LEF1: variants seen among roughly 807,000 people sequenced by gnomAD.
The protein encoded by LEF1 is lymphoid enhancer binding factor 1, also known as lymphoid enhancer-binding factor 1.
In LEF1, 14 loss-of-function variants were observed where a neutral mutation model predicts 51.2. The observed-to-expected ratio is 0.27, with a 90% CI of 0.18 to 0.43. The LOEUF (loss-of-function observed/expected upper bound fraction) is 0.43, where lower values mean the gene tolerates loss of function less well. Among genes scored for constraint, LEF1 ranks in the 20% least tolerant of loss-of-function variants. The probability of loss-of-function intolerance (pLI) is 1.00; values close to 1 mark genes in which losing one functional copy is unlikely to be tolerated. For missense variants in LEF1, 386 were observed against 512.0 expected (o/e 0.75, Z 2.37); for synonymous variants, 185 against 183.2 (o/e 1.01, Z -0.08).
chr4:108,144,865 C>CAAACAA (rs1743898315), intron 3 of LEF1, among the ~76,000 whole-genome samples: 1 of 41,928 alleles, frequency 2.4e-5, no homozygotes, highest in African/African-American at 9.9e-5. Flanking sequence ...CCCAACCAGC[C>CAAACAA]AAAAAAAAAA....
chr4:108,081,744 G>A, intron 5 of LEF1, 75 bp from the exon 6 acceptor site: 1 of 961,726 alleles, frequency 1.0e-6, no homozygotes, highest in Non-Finnish European at 1.7e-6. Context: ...TTGGATGAGG[G>A]GAGAAGAGGG....
chr4:108,165,074 A>T, intron 2 of LEF1, 23 bp downstream of exon 2: 1 of 1,610,356 alleles, frequency 6.2e-7, no homozygotes, highest in Non-Finnish European at 8.5e-7. Context: ...CTAAAGTCAG[A>T]AGAAGTAGAA....
intron 11 of LEF1, among the ~76,000 whole-genome samples, chr4:108,060,787 G>A (rs1325034059): frequency 6.6e-6 from 1 of 151,752 alleles, no homozygotes; most frequent in Non-Finnish European, 1.5e-5. Context: ...AACATAACAA[G>A]CACTGTGAGA....
intron 11 of LEF1, among the ~76,000 whole-genome samples, chr4:108,051,063 A>G (rs886133850): frequency 5.3e-5 from 8 of 152,212 alleles, no homozygotes; most frequent in Non-Finnish European, 1.0e-4. Context: ...ATTTACCTAA[A>G]GGATAGTATG....
At chr4:108,050,398 G>A (rs969500659) in intron 11 of LEF1, among the ~76,000 whole-genome samples, 3 of 151,970 alleles carry the variant, frequency 2.0e-5, no homozygotes, top group African/African-American at 7.3e-5. Context: ...TTGAGAATGG[G>A]GCCACAGCAG....
intron 3 of LEF1, among the ~76,000 whole-genome samples, chr4:108,123,535 C>A (rs1726209464): frequency 6.9e-6 from 1 of 144,638 alleles, no homozygotes; most frequent in Non-Finnish European, 1.5e-5. Context: ...CATTCTACAA[C>A]AGCCAGCTTT....
chr4:108,099,564 GTGTGTGTATATATATATATATATATA>G, intron 3 of LEF1, among the ~76,000 whole-genome samples: 1 of 59,314 alleles, frequency 1.7e-5, no homozygotes, highest in African/African-American at 7.8e-5. Flanking sequence ...GTATGTGTGT[GTGTGTGTATATATATATATATATATA>G]TATATATATA....
At position 108,081,580 on chromosome 4, in the gene LEF1, A is replaced by C; in HGVS notation, c.722+6T>G. The stretch of plus-strand genomic sequence containing the variant: ...CTCGAGCGCCCCAGTTTCCACCTCC[A>C]CCTACCTGGACATGGAAGTGTCGAC... On this transcript the variant is annotated splice_donor_region_variant and intron_variant, in intron 6 of 11. Transcript: ENST00000265165. The C allele has an allele frequency of 6.2e-7, 1 of 1,613,044 alleles. No homozygotes were observed. Among genetic ancestry groups the C allele is most frequent in the Non-Finnish European group, 8.5e-7 (1 of 1,179,164 alleles).
At chr4:108,118,180 C>A (rs1205172771) in intron 3 of LEF1, among the ~76,000 whole-genome samples, 2 of 152,120 alleles carry the variant, frequency 1.3e-5, no homozygotes, top group Non-Finnish European at 2.9e-5. Context: ...TTAAGCATAC[C>A]ACAAGAACAA....
intron 11 of LEF1, among the ~76,000 whole-genome samples, chr4:108,062,075 A>G (rs1446318881): frequency 6.6e-6 from 1 of 152,252 alleles, no homozygotes; most frequent in South Asian, 2.1e-4. Context: ...CTGCACATCA[A>G]CCACCACAGG....
chr4:108,110,707 A>T lies in LEF1; in HGVS notation c.415-21450T>A, dbSNP rs191214381. The stretch of plus-strand genomic sequence containing the variant: ...AACCTCGACCCTGCTCCCTTCCATC[A>T]TCCTCGTTGAGTGACTTAACCGCTG... On this transcript the variant is annotated intron_variant, in intron 3 of 11. Transcript: ENST00000265165. Among the ~76,000 whole-genome samples, 355 of 152,288 alleles carry T rather than the reference A, an allele frequency of 2.3e-3. 3 individuals carry two copies. Among genetic ancestry groups the T allele is most frequent in the African/African-American group, 7.4e-3 (308 of 41,550 alleles).
intron 3 of LEF1, among the ~76,000 whole-genome samples, chr4:108,147,517 C>T (rs1398961822): frequency 2.0e-5 from 3 of 152,132 alleles, no homozygotes; most frequent in Non-Finnish European, 4.4e-5. Context: ...ATTTAATCTC[C>T]ATTTTCCTCT....
rs780342349 is a variant in LEF1 at position 108,048,686 on chromosome 4, T to C, written c.*72A>G. The C allele has an allele frequency of 5.0e-6, 8 of 1,605,330 alleles. No homozygotes were observed. The East Asian group carries it at 1.1e-4, about 22-fold the overall frequency. On this transcript the variant is annotated 3_prime_UTR_variant, in exon 12 of 12. Transcript: ENST00000265165. ...AGTCTGGGTTTTCAACAAGCTTCCATCTCCAGAAGAGGTCCTGGGGTCGCT... is the reference window on the plus strand; with the variant it reads ...AGTCTGGGTTTTCAACAAGCTTCCACCTCCAGAAGAGGTCCTGGGGTCGCT...
Position 108,089,269 on chromosome 4 carries a change from C to G in LEF1, c.415-12G>C. The stretch of plus-strand genomic sequence containing the variant: ...GGCACTTTATTTGACTGCAAAGTAA[C>G]CACAAGGTCAATAGTTAATATGGAT... On this transcript the variant is annotated splice_polypyrimidine_tract_variant and intron_variant, in intron 3 of 11. Coordinates refer to ENST00000265165, the MANE Select transcript of LEF1 (RefSeq NM_016269.5). The G allele has an allele frequency of 1.9e-6, 3 of 1,612,538 alleles. No individual in the cohort carries two copies. The highest frequency in any genetic ancestry group is 2.5e-6 in the Non-Finnish European group (3 of 1,179,356).
chr4:108,164,392 G>A (rs1328501566), intron 2 of LEF1, among the ~76,000 whole-genome samples: 2 of 152,054 alleles, frequency 1.3e-5, no homozygotes, highest in Non-Finnish European at 2.9e-5. Flanking sequence ...TTGACATATT[G>A]TATGTAAAAA....
chr4:108,063,280 G>A (rs1317380417), intron 11 of LEF1, among the ~76,000 whole-genome samples: 1 of 152,176 alleles, frequency 6.6e-6, no homozygotes, highest in East Asian at 1.9e-4. Flanking sequence ...GAGTAAGATG[G>A]CATTTTGCTT....
chr4:108,123,898 T>G (rs1047079630), intron 3 of LEF1, among the ~76,000 whole-genome samples: 1 of 152,022 alleles, frequency 6.6e-6, no homozygotes, highest in African/African-American at 2.4e-5. Flanking sequence ...TCCCAGCAAT[T>G]TGGGAGGCTG....
chr4:108,098,403 G>A (rs1218953560), intron 3 of LEF1, among the ~76,000 whole-genome samples: 1 of 152,058 alleles, frequency 6.6e-6, no homozygotes, highest in African/African-American at 2.4e-5. Flanking sequence ...ACCCAGATAC[G>A]AAGTGCAGAT....
At chr4:108,152,756 C>A (rs1000719087) in intron 3 of LEF1, among the ~76,000 whole-genome samples, 1 of 152,198 alleles carries the variant, frequency 6.6e-6, no homozygotes, top group African/African-American at 2.4e-5. Flanking sequence ...CATTTGCAGA[C>A]GGGGCCAGTA....
Sources: allele counts gnomAD v4.1 joint callset (sites outside exome capture counted in the v4.1 genomes callset), GRCh38; gene constraint gnomAD v4.1.1; transcripts MANE v1.5; gene names NCBI Gene and HGNC (gene_info 2026-07-23, HGNC 2026-07-21).